The following LOC114841035 variants were observed in gnomAD, a reference collection of about 807,000 sequenced individuals.
At chr11:64,243,612 C>T in the LOC114841035 span, 1 of 1,377,008 alleles carries the variant, frequency 7.3e-7, no homozygotes. Context: ...CAATACATGC[C>T]TCCTCCAAGT....
the LOC114841035 span, chr11:64,242,439 G>T: frequency 1.3e-6 from 2 of 1,551,094 alleles, no homozygotes; most frequent in Non-Finnish European, 1.7e-6. Context: ...CTGCCTGAGC[G>T]CCGTGGCCAC....
At chr11:64,243,284 T>C in the LOC114841035 span, 1 of 1,609,462 alleles carries the variant, frequency 6.2e-7, no homozygotes, top group East Asian at 2.2e-5. Context: ...GGCCAGGTCA[T>C]CAAGGGCTGG....
the LOC114841035 span, chr11:64,244,092 A>C: frequency 4.0e-4 from 617 of 1,556,152 alleles, 6 homozygotes; most frequent in South Asian, 5.4e-3. Context: ...CAAAAAAAAA[A>C]CAAAAAACAA....
At chr11:64,243,763 G>A in the LOC114841035 span, 1 of 1,577,800 alleles carries the variant, frequency 6.3e-7, no homozygotes, top group East Asian at 2.2e-5. Context: ...TTGCTGAGAG[G>A]GGCGGAACAC....
chr11:64,243,388 C>T, the LOC114841035 span: 1 of 1,608,818 alleles, frequency 6.2e-7, no homozygotes, highest in Non-Finnish European at 8.5e-7. Context: ...GGGAGGCAAG[C>T]CCCAGGGATA....
At chr11:64,243,134 C>A in the LOC114841035 span, 3 of 1,444,664 alleles carry the variant, frequency 2.1e-6, no homozygotes, top group South Asian at 1.2e-5. Context: ...ATGGGGAAAG[C>A]AGCTGAGGGA....
At chr11:64,243,500 A>T in the LOC114841035 span, 1 of 1,613,612 alleles carries the variant, frequency 6.2e-7, no homozygotes, top group African/African-American at 1.3e-5. Flanking sequence ...CGAGCTAGGT[A>T]AGAGGCCCCT....
chr11:64,241,228 A>G, the LOC114841035 span: 1 of 151,830 alleles, frequency 6.6e-6, no homozygotes, highest in Admixed American at 6.6e-5. Flanking sequence ...CCGAGTGTCA[A>G]CGAGAGCTAG....
the LOC114841035 span, chr11:64,243,607 C>T: frequency 2.2e-6 from 3 of 1,389,752 alleles, no homozygotes; most frequent in East Asian, 4.6e-5. Context: ...CATTACAATA[C>T]ATGCCTCCTC....
chr11:64,242,345 C>A, the LOC114841035 span: 1 of 1,470,428 alleles, frequency 6.8e-7, no homozygotes, highest in Non-Finnish European at 9.0e-7. Context: ...CCCTGCCCTC[C>A]CCCACGTTCA....
the LOC114841035 span, chr11:64,243,895 C>T: frequency 1.2e-6 from 2 of 1,614,054 alleles, no homozygotes; most frequent in East Asian, 2.2e-5. Context: ...CCTTTTGATA[C>T]CTCCCATCAC....
the LOC114841035 span, chr11:64,243,168 C>T: frequency 1.9e-6 from 3 of 1,604,372 alleles, no homozygotes; most frequent in Admixed American, 1.7e-5. Context: ...GTGGTCCCCT[C>T]TTCCTCACTG....
At chr11:64,243,569 C>T in the LOC114841035 span, 13 of 1,567,012 alleles carry the variant, frequency 8.3e-6, no homozygotes, top group Non-Finnish European at 1.1e-5. Context: ...GCTGCTTCAG[C>T]TTTTCATTGG....
chr11:64,243,562 G>C, the LOC114841035 span: 2 of 1,583,678 alleles, frequency 1.3e-6, no homozygotes, highest in Non-Finnish European at 1.7e-6. Context: ...GGTGAAAGCT[G>C]CTTCAGCTTT....
chr11:64,243,613 T>G, the LOC114841035 span: 28 of 1,371,334 alleles, frequency 2.0e-5, no homozygotes, highest in South Asian at 3.4e-4. Flanking sequence ...AATACATGCC[T>G]CCTCCAAGTT....
the LOC114841035 span, chr11:64,243,442 T>C: frequency 6.2e-7 from 1 of 1,614,024 alleles, no homozygotes; most frequent in Non-Finnish European, 8.5e-7. Context: ...AGCATGTGTC[T>C]TCCTGCAGGA....
the LOC114841035 span, among the ~76,000 whole-genome samples, chr11:64,243,020 C>T: frequency 6.6e-6 from 1 of 152,084 alleles, no homozygotes; most frequent in Admixed American, 6.5e-5. Context: ...TGCAGGGAGG[C>T]GAGATCACGC....
At chr11:64,243,542 G>T in the LOC114841035 span, 3 of 1,606,912 alleles carry the variant, frequency 1.9e-6, no homozygotes, top group South Asian at 3.3e-5. Flanking sequence ...TGGGGTGTGT[G>T]ACTGGGAAGG....
At chr11:64,243,102 G>A in the LOC114841035 span, 30 of 1,068,578 alleles carry the variant, frequency 2.8e-5, no homozygotes, top group Admixed American at 5.1e-4. Context: ...AGGGCTGTGG[G>A]TGGGCGTGGG....
Sources: allele counts gnomAD v4.1 joint callset (sites outside exome capture counted in the v4.1 genomes callset), GRCh38; gene constraint gnomAD v4.1.1; transcripts MANE v1.5.